NCOA2: variants seen among roughly 807,000 people sequenced by gnomAD.
The protein encoded by NCOA2 is class E basic helix-loop-helix protein 75.
A neutral mutation model predicts 145.1 loss-of-function variants in NCOA2; 21 were observed. The ratio of observed to expected loss-of-function variants is 0.14; its 90% CI spans 0.10 to 0.21. NCOA2 has a LOEUF of 0.21. Ranked by LOEUF, NCOA2 falls within the 10% of genes least tolerant of loss-of-function variation. The pLI is 1.00. For missense variants in NCOA2, 1,472 were observed against 1,837.6 expected, an observed-to-expected ratio of 0.80 and a Z score of 3.64; for synonymous variants, 619 against 637.5, an observed-to-expected ratio of 0.97 and a Z score of 0.44.
intron 2 of NCOA2, among the ~76,000 whole-genome samples, chr8:70,246,725 C>G (rs969066450): frequency 6.6e-6 from 1 of 152,046 alleles, no homozygotes; most frequent in Non-Finnish European, 1.5e-5. Flanking sequence ...ATTTCCTCCT[C>G]CCCTAGCCCC....
chr8:70,341,373 C>A (rs1808129892), intron 1 of NCOA2, among the ~76,000 whole-genome samples: 1 of 152,162 alleles, frequency 6.6e-6, no homozygotes, highest in Non-Finnish European at 1.5e-5. Flanking sequence ...GGTGACAGAG[C>A]AAGACCCTGT....
intron 2 of NCOA2, among the ~76,000 whole-genome samples, chr8:70,252,020 T>A (rs529130390): frequency 6.6e-6 from 1 of 152,248 alleles, no homozygotes; most frequent in Non-Finnish European, 1.5e-5. Context: ...AAATCATTTA[T>A]AGATTACTTA....
chr8:70,379,601 G>C (rs1563825381), intron 1 of NCOA2, among the ~76,000 whole-genome samples: 1 of 151,988 alleles, frequency 6.6e-6, no homozygotes, highest in Non-Finnish European at 1.5e-5. Context: ...GACAGTATCT[G>C]GGAAAAATGA....
At chr8:70,225,550 A>G (rs747185128) in intron 2 of NCOA2, among the ~76,000 whole-genome samples, 20 of 147,174 alleles carry the variant, frequency 1.4e-4, no homozygotes, top group Non-Finnish European at 2.8e-4. Flanking sequence ...CTCTGTCTCA[A>G]AAAAAAAAAG....
chr8:70,308,654 C>T (rs1828077638), intron 1 of NCOA2, among the ~76,000 whole-genome samples: 1 of 152,298 alleles, frequency 6.6e-6, no homozygotes, highest in African/African-American at 2.4e-5. Context: ...CAAAAGGAAT[C>T]TAACACCCCT....
chr8:70,338,670 G>C (rs1043145682), intron 1 of NCOA2, among the ~76,000 whole-genome samples: 14 of 152,106 alleles, frequency 9.2e-5, no homozygotes, highest in African/African-American at 3.1e-4. Context: ...TTGATGAAGA[G>C]TGATGCAAAA....
rs187376268 is a variant in NCOA2, at chr8:70,314,831, G to C, written c.-76-18031C>G. 7.2e-5 allele frequency among the ~76,000 whole-genome samples: 11 copies of C among 152,280 alleles called. No homozygotes were observed. The East Asian group carries it at 1.9e-3, about 27-fold the overall frequency. Reference sequence around the variant, plus strand: ...ACCATGTTTCCTAAGGCCTACAAGAGAAACGCAAGTGTGCTATGTAATCAA... The same window carrying C: ...ACCATGTTTCCTAAGGCCTACAAGACAAACGCAAGTGTGCTATGTAATCAA... On this transcript the variant is annotated intron_variant, in intron 1 of 22. Transcript: ENST00000452400.
In NCOA2 at chr8:70,220,449, TA is replaced by T. The variant is rs1820039980; in HGVS notation, c.-19-3686del. Among the ~76,000 whole-genome samples, 6 of 152,352 alleles carry T rather than the reference TA, an allele frequency of 3.9e-5. No individual in the cohort carries two copies. In the South Asian group the frequency reaches 1.2e-3, roughly 32 times the overall value. On this transcript the variant is annotated intron_variant, in intron 2 of 22. Transcript: ENST00000452400. ...TCAAATCATCCATTCTTGTTATCTG[TA>T]ACAACACAATAGCCCTGTTTTCACA...
intron 1 of NCOA2, among the ~76,000 whole-genome samples, chr8:70,353,546 A>C (rs184164379): frequency 3.2e-4 from 49 of 150,882 alleles, no homozygotes; most frequent in East Asian, 1.6e-3. Flanking sequence ...CATTTCAAAA[A>C]TGAAAAAAAC....
At chr8:70,451,217 C>CAA in the NCOA2 span, among the ~76,000 whole-genome samples, 2,002 of 65,276 alleles carry the variant, frequency 0.031, 54 homozygotes, top group Non-Finnish European at 0.033. Flanking sequence ...GACTCCGTCT[C>CAA]AAAAAAAAAA....
chr8:70,136,270 G>A (rs1809723930), intron 15 of NCOA2, among the ~76,000 whole-genome samples: 1 of 152,094 alleles, frequency 6.6e-6, no homozygotes, highest in African/African-American at 2.4e-5. Flanking sequence ...GCTGAGGCAG[G>A]AGAATCACTT....
At chr8:70,403,068 G>T (rs1158780274) in intron 1 of NCOA2, among the ~76,000 whole-genome samples, 3 of 144,714 alleles carry the variant, frequency 2.1e-5, no homozygotes, top group African/African-American at 7.6e-5. Context: ...CTCGCCGGCC[G>T]CCCCGACACC....
At chr8:70,267,402 T>G (rs2135209054) in intron 2 of NCOA2, among the ~76,000 whole-genome samples, 2 of 149,620 alleles carry the variant, frequency 1.3e-5, no homozygotes, top group South Asian at 2.1e-4. Flanking sequence ...GTTTTTTTTT[T>G]TTTTTTTTTT....
the NCOA2 span, among the ~76,000 whole-genome samples, chr8:70,427,101 T>C: frequency 7.2e-5 from 11 of 152,200 alleles, no homozygotes; most frequent in Non-Finnish European, 1.6e-4. Flanking sequence ...GGCCTGGTTT[T>C]GTTTTTTTAA....
chr8:70,205,260 A>T (rs1357363439), intron 4 of NCOA2, among the ~76,000 whole-genome samples: 1 of 152,344 alleles, frequency 6.6e-6, no homozygotes, highest in East Asian at 1.9e-4. Flanking sequence ...TAGGAATGTA[A>T]TGGGAATAGA....
Position 70,110,773 on chromosome 8 carries a change from A to G in NCOA2, c.*2859T>C, listed in dbSNP as rs1394775995. On this transcript the variant is annotated 3_prime_UTR_variant, in exon 23 of 23. Coordinates refer to ENST00000452400, the MANE Select transcript of NCOA2 (RefSeq NM_006540.4). ...GGAGGGGCATTTTAATCTTTGAGTC[A>G]AACGAATTCATTGTAGTAAAACAGC... 4 of 224,576 alleles carry G rather than the reference A, an allele frequency of 1.8e-5. No individual in the cohort carries two copies. The highest frequency in any genetic ancestry group is 5.7e-5 in the Admixed American group (1 of 17,504). The allele number at this position is 224,576 out of a possible 1,614,324, so 13.9% of individuals were successfully genotyped here. A position where few individuals can be genotyped will look rare whatever the true frequency, so the allele number is the denominator to read the frequency against.
At chr8:70,435,102 C>A in the NCOA2 span, among the ~76,000 whole-genome samples, 2 of 152,010 alleles carry the variant, frequency 1.3e-5, no homozygotes, top group Admixed American at 6.6e-5. Flanking sequence ...TTGTTTTTAT[C>A]CCCTAAAAAT....
chr8:70,186,708 T>G (rs946568689), intron 4 of NCOA2, among the ~76,000 whole-genome samples: 5 of 152,346 alleles, frequency 3.3e-5, no homozygotes, highest in Middle Eastern at 6.8e-3. Flanking sequence ...AAATTTACAG[T>G]ATGTCTTATT....
intron 2 of NCOA2, among the ~76,000 whole-genome samples, chr8:70,256,729 T>C (rs377668898): frequency 1.3e-5 from 2 of 152,188 alleles, no homozygotes; most frequent in African/African-American, 4.8e-5. Flanking sequence ...AATTTACACA[T>C]GAGGAAACTG....
Sources: gnomAD v4.1 joint callset for allele counts (sites outside exome capture counted in the v4.1 genomes callset) on GRCh38, gnomAD v4.1.1 for gene constraint, MANE v1.5 for transcripts, NCBI Gene and HGNC (gene_info 2026-07-23, HGNC 2026-07-21) for gene names.